Variants in ZSWIM4 observed in about 807,000 individuals in gnomAD.
ZSWIM4 encodes the protein zinc finger SWIM-type containing 4.
Under a neutral mutation model 102.5 loss-of-function variants are expected in ZSWIM4, and 62 were observed. The observed-to-expected ratio is 0.60, with a 90% CI of 0.49 to 0.75. The LOEUF (loss-of-function observed/expected upper bound fraction) is 0.75, where lower values mean the gene tolerates loss of function less well. Ranked by LOEUF, ZSWIM4 falls within the 30% of genes least tolerant of loss-of-function variation. The pLI, the probability that ZSWIM4 is intolerant of heterozygous loss-of-function variation, is 0.00. For missense variants in ZSWIM4, 1,280 were observed against 1,529.6 expected (o/e 0.84, Z 2.72); for synonymous variants, 652 against 674.5 (o/e 0.97, Z 0.52).
chr19:13,823,418 C>T lies in ZSWIM4; in HGVS notation c.2133C>T (p.Asn711=). The T allele has an allele frequency of 6.2e-7, 1 of 1,607,714 alleles. No individual in the cohort carries two copies. Among genetic ancestry groups the T allele is most frequent in the Non-Finnish European group, 8.5e-7 (1 of 1,176,788 alleles). The part of the protein sequence containing the change: ...HPSPLDSIMS[N]RFPRWFILGH... Reference sequence around the variant, plus strand: ...GCCCGCTGGACTCCATCATGAGCAACCGCTTCCCCCGCTGGTTCATCCTTG... The same window carrying T: ...GCCCGCTGGACTCCATCATGAGCAATCGCTTCCCCCGCTGGTTCATCCTTG... Residue 711 remains asparagine (N), a synonymous_variant, in exon 11 of 14, where the codon AAC becomes AAT. Coordinates refer to ENST00000590508, the MANE Select transcript of ZSWIM4 (RefSeq NM_001367834.3).
rs562482825 is a variant in ZSWIM4 at position 13,804,022 on chromosome 19, C to T, written c.356-770C>T. Among the ~76,000 whole-genome samples, 8 of 150,232 alleles carry T rather than the reference C, an allele frequency of 5.3e-5. No homozygotes were observed. In the South Asian group the frequency reaches 1.1e-3, roughly 20 times the overall value. Reference sequence around the variant, plus strand: ...GATTACAGGCGCCCGCCACCATGCCCGGCTAATTTTTTTATATTTTTAGTA... The same window carrying T: ...GATTACAGGCGCCCGCCACCATGCCTGGCTAATTTTTTTATATTTTTAGTA... On this transcript the variant is annotated intron_variant, in intron 2 of 13. Transcript: ENST00000590508.
At chr19:13,800,567 A>AT (rs902019494) in intron 2 of ZSWIM4, among the ~76,000 whole-genome samples, 6 of 142,460 alleles carry the variant, frequency 4.2e-5, no homozygotes, top group African/African-American at 1.6e-4. Context: ...TCCCGGCCCC[A>AT]TTTTTTGTAT....
rs376521366 is a variant in ZSWIM4, at chr19:13,819,393, G to T, written c.1961G>T (p.Arg654Leu). Residue 654 changes from arginine to leucine, a missense_variant, in exon 10 of 14, where the codon CGG becomes CTG. Arg to Leu is a moderately radical substitution (Grantham distance 102). Transcript: ENST00000590508. ...AGTGGCTTTGGGGAGGTGCTGTTCC[G>T]GGAGAGCGTGCCCATGCACACCTGT... ...PFSGFGEVLF[R>L]ESVPMHTCAR... 3.1e-6 allele frequency: 5 copies of T among 1,613,318 alleles called. No homozygotes were observed. Among genetic ancestry groups the T allele is most frequent in the Non-Finnish European group, 4.2e-6 (5 of 1,179,714 alleles).
rs1379334150 is a variant in ZSWIM4 at position 13,809,106 on chromosome 19, G to A, written c.898G>A (p.Ala300Thr). 5 of 1,613,666 alleles carry A rather than the reference G, an allele frequency of 3.1e-6. No homozygotes were observed. Among genetic ancestry groups the A allele is most frequent in the African/African-American group, 1.3e-5 (1 of 74,946 alleles). The change falls in exon 5 of 14, where the codon GCG becomes ACG. Residue 300 changes from alanine (A) to threonine (T), a missense_variant. Coordinates refer to ENST00000590508, the MANE Select transcript of ZSWIM4 (RefSeq NM_001367834.3). This position sits in a 1 kb window ranked among gnomAD's most constrained non-coding sequence, Gnocchi z 4.2. ...GCTGCGAATGCGGGACTCCAACGGGGCGCGCATGCTGATTCTCATGACCGA... is the reference window on the plus strand; with the variant it reads ...GCTGCGAATGCGGGACTCCAACGGGACGCGCATGCTGATTCTCATGACCGA... ...EMLRMRDSNG[A>T]RMLILMTEQF...
At chr19:13,816,868 G>A (rs1975302996) in intron 7 of ZSWIM4, among the ~76,000 whole-genome samples, 1 of 152,134 alleles carries the variant, frequency 6.6e-6, no homozygotes, top group African/African-American at 2.4e-5. Context: ...CTTCAGAGAG[G>A]TGGAGAGGGA....
rs1975786629 is a variant in ZSWIM4, at chr19:13,832,184, G to T, written c.*1134G>T. 7.1e-6 allele frequency: 1 copy of T among 140,422 alleles called. No individual in the cohort carries two copies. Among genetic ancestry groups the T allele is most frequent in the Non-Finnish European group, 1.5e-5 (1 of 66,346 alleles). 8.7% of individuals were successfully genotyped at this position (140,422 alleles called of 1,614,324 possible). A position where few individuals can be genotyped will look rare whatever the true frequency, so the allele number is the denominator to read the frequency against. On this transcript the variant is annotated 3_prime_UTR_variant, in exon 14 of 14. Transcript: ENST00000590508. ...TCTTTTTAATTTTATTTTGAGACTG[G>T]GGTGCATCTCCAGAGCCACTCACAC...
rs74181840 is a variant in ZSWIM4, at chr19:13,825,044, C to CTT, written c.2216-493_2216-492dup. Among the ~76,000 whole-genome samples, 9 of 106,626 alleles carry CTT rather than the reference C, an allele frequency of 8.4e-5. No individual in the cohort carries two copies. Among genetic ancestry groups the CTT allele is most frequent in the African/African-American group, 3.5e-4 (9 of 25,916 alleles). 70.0% of individuals were successfully genotyped at this position (106,626 alleles called of 152,430 possible). A position where few individuals can be genotyped will look rare whatever the true frequency, so the allele number is the denominator to read the frequency against. On this transcript the variant is annotated intron_variant, in intron 11 of 13. Transcript: ENST00000590508. The surrounding 1 kb of genome is among the most constrained non-coding windows in gnomAD (Gnocchi z 4.6). Reference sequence around the variant, plus strand: ...AGGATCCCTAGGTGGCTTTTCTTTTCTTTTTTTTTTTTTTGAGATGGATAT... The same window carrying CTT: ...AGGATCCCTAGGTGGCTTTTCTTTTCTTTTTTTTTTTTTTTTGAGATGGATAT...
intron 3 of ZSWIM4, among the ~76,000 whole-genome samples, chr19:13,807,201 G>C (rs972101619): frequency 6.6e-6 from 1 of 152,048 alleles, no homozygotes; most frequent in Non-Finnish European, 1.5e-5. Flanking sequence ...TGGGCAGATA[G>C]ATCAATAAGA....
chr19:13,799,565 C>T (rs756543371), intron 1 of ZSWIM4, among the ~76,000 whole-genome samples, 155 bp from the exon 2 acceptor site: 4 of 152,032 alleles, frequency 2.6e-5, no homozygotes, highest in Non-Finnish European at 4.4e-5. Context: ...CGTGAGCCAT[C>T]GTGCCCGGCC....
In ZSWIM4 at chr19:13,827,071, G is replaced by C. The variant is rs1056729584; in HGVS notation, c.2379+1358G>C. Among the ~76,000 whole-genome samples the C allele has an allele frequency of 6.6e-5, 10 of 152,048 alleles. No individual in the cohort carries two copies. The East Asian group carries it at 1.9e-3, about 30-fold the overall frequency. ...AGGCCAAGGTGGGAGGATTGCTTGG[G>C]GCCAGGAGTTTGAGATTGGCCTGGA... On this transcript the variant is annotated intron_variant, in intron 12 of 13. Coordinates refer to ENST00000590508, the MANE Select transcript of ZSWIM4 (RefSeq NM_001367834.3).
At position 13,823,513 on chromosome 19, in the gene ZSWIM4, G is replaced by A. The variant is rs201023212; in HGVS notation, c.2215+13G>A. 7.3e-5 allele frequency: 114 copies of A among 1,557,016 alleles called. 2 individuals carry two copies. The East Asian group carries it at 1.9e-3, about 26-fold the overall frequency. On this transcript the variant is annotated intron_variant, in intron 11 of 13. Coordinates refer to ENST00000590508, the MANE Select transcript of ZSWIM4 (RefSeq NM_001367834.3). Reference sequence around the variant, plus strand: ...ACGGCCGCCAAGGGTGAGGCTGGCAGCTGTCCCGATTCCTTTGTCTTCCTC... The same window carrying A: ...ACGGCCGCCAAGGGTGAGGCTGGCAACTGTCCCGATTCCTTTGTCTTCCTC...
chr19:13,817,744 G>A lies in ZSWIM4; in HGVS notation c.1692G>A (p.Lys564=), dbSNP rs1975335292. The part of the protein sequence containing the change: ...LYPDSGPEKR[K]VAYQHVPVPG... ...CAGACTCAGGCCCCGAGAAGCGGAA[G>A]GTGGCCTACCAGCACGTGCCTGTGC... The change falls in exon 9 of 14, where the codon AAG becomes AAA. Residue 564 remains lysine (K), a synonymous_variant. Transcript: ENST00000590508. 1.2e-6 allele frequency: 2 copies of A among 1,607,404 alleles called. No individual in the cohort carries two copies. Among genetic ancestry groups the A allele is most frequent in the South Asian group, 1.1e-5 (1 of 89,350 alleles).
intron 2 of ZSWIM4, among the ~76,000 whole-genome samples, 186 bp downstream of exon 2, chr19:13,800,107 G>A (rs1285505640): frequency 1.4e-4 from 19 of 139,328 alleles, no homozygotes; most frequent in African/African-American, 5.4e-4. Flanking sequence ...TCGCTCTTTG[G>A]CCCAGGCCGG....
At chr19:13,807,103 A>T (rs1410896927) in intron 3 of ZSWIM4, among the ~76,000 whole-genome samples, 1 of 151,860 alleles carries the variant, frequency 6.6e-6, no homozygotes, top group Admixed American at 6.6e-5. Context: ...TGGGGTGGAT[A>T]GTGTACTTGT....
At chr19:13,799,643 G>T (rs1192069532) in intron 1 of ZSWIM4, 77 bp from the exon 2 acceptor site, 22 of 1,439,100 alleles carry the variant, frequency 1.5e-5, no homozygotes, top group Non-Finnish European at 2.2e-5. Flanking sequence ...GGCCTCAAGC[G>T]ATCCTCCCTC....
chr19:13,817,585 A>G (rs1324244431), intron 8 of ZSWIM4, 137 bp from the exon 9 acceptor site: 1 of 1,189,758 alleles, frequency 8.4e-7, no homozygotes, highest in Non-Finnish European at 1.2e-6. Flanking sequence ...CGCTCCCCCA[A>G]CCCCGTGAGT....
intron 1 of ZSWIM4, among the ~76,000 whole-genome samples, chr19:13,798,842 G>A (rs1162828599): frequency 6.6e-6 from 1 of 152,194 alleles, no homozygotes; most frequent in Non-Finnish European, 1.5e-5. Flanking sequence ...AGACTGGAGT[G>A]CAATGGCGCA....
intron 5 of ZSWIM4, among the ~76,000 whole-genome samples, chr19:13,812,425 C>T (rs180759123): frequency 7.8e-4 from 117 of 149,164 alleles, no homozygotes; most frequent in South Asian, 2.1e-4. Flanking sequence ...TCCCAAGTAG[C>T]TAGGACTACA....
chr19:13,807,053 C>A (rs79344405), intron 3 of ZSWIM4, among the ~76,000 whole-genome samples: 2,630 of 151,898 alleles, frequency 0.017, 72 homozygotes, highest in African/African-American at 0.06. Context: ...TAGTTATCAC[C>A]TAGATAACTA....
Sources: allele counts gnomAD v4.1 joint callset (sites outside exome capture counted in the v4.1 genomes callset), GRCh38; gene constraint gnomAD v4.1.1; non-coding constraint Gnocchi (gnomAD v3.1); transcripts MANE v1.5; gene names NCBI Gene and HGNC (gene_info 2026-07-23, HGNC 2026-07-21).